Variants in TAF5L observed in about 807,000 individuals in gnomAD.
TAF5L encodes the protein TATA-box binding protein associated factor 5 like.
In TAF5L, 7 loss-of-function variants were observed where a neutral mutation model predicts 51.3. The ratio of observed to expected loss-of-function variants is 0.14; its 90% confidence interval spans 0.08 to 0.26. TAF5L has a LOEUF of 0.26. Ranked by LOEUF, TAF5L falls within the 10% of genes least tolerant of loss-of-function variation. The probability of loss-of-function intolerance (pLI) is 1.00; values close to 1 mark genes in which losing one functional copy is unlikely to be tolerated. For synonymous variants in TAF5L, 291 were observed against 308.1 expected, an observed-to-expected ratio of 0.94 and a Z score of 0.58; for missense variants, 575 against 758.9, an observed-to-expected ratio of 0.76 and a Z score of 2.85.
chr1:229,618,199 C>G (rs1665076105), intron 1 of TAF5L, among the ~76,000 whole-genome samples: 1 of 152,176 alleles, frequency 6.6e-6, no homozygotes, highest in African/African-American at 2.4e-5. Flanking sequence ...ACGAACAGTG[C>G]AGTTTCGTTA....
At chr1:229,624,025 G>C (rs568417182) in intron 1 of TAF5L, among the ~76,000 whole-genome samples, 1 of 152,232 alleles carries the variant, frequency 6.6e-6, no homozygotes, top group African/African-American at 2.4e-5. Context: ...GTGACTTCTA[G>C]TACTGTCCAC....
Position 229,594,616 on chromosome 1 carries a change from G to T in TAF5L, c.1451C>A (p.Ala484Glu). ...CAACCGCTGGTCCTCGCCAGCAGAC[G>T]CCAAGTACTTACCGTTGGGAGAAAA... is the stretch of plus-strand genomic sequence containing the variant. Residue 484 changes from alanine (A) to glutamate (E), a missense_variant, in exon 5 of 5, where the codon GCG becomes GAG. Physicochemically the swap from Ala to Glu is moderately radical, Grantham distance 107. This residue lies in a region of TAF5L where 104 missense variants were observed against 218.3 expected (regional missense o/e 0.48). Transcript: ENST00000258281. This position sits in a 1 kb window ranked among gnomAD's most constrained non-coding sequence, Gnocchi z 7.9. 6.2e-7 allele frequency: 1 copy of T among 1,614,182 alleles called. No individual in the cohort carries two copies. Among genetic ancestry groups the T allele is most frequent in the Non-Finnish European group, 8.5e-7 (1 of 1,180,032 alleles).
Position 229,594,830 on chromosome 1 carries a change from A to T in TAF5L, c.1237T>A (p.Phe413Ile). The T allele has an allele frequency of 6.2e-7, 1 of 1,614,212 alleles. No individual in the cohort carries two copies. Among genetic ancestry groups the T allele is most frequent in the Non-Finnish European group, 8.5e-7 (1 of 1,180,032 alleles). ...ATCCTCAGCGGGTACGTCCGATCAA[A>T]TGACCACAGCCTGGCGGTGCGGTCG... The change falls in exon 5 of 5, where the codon TTT becomes ATT. Residue 413 changes from phenylalanine (F) to isoleucine (I), a missense_variant. Physicochemically the swap from Phe to Ile is conservative, Grantham distance 21. Coordinates refer to ENST00000258281, the Ensembl canonical transcript of TAF5L. This position sits in a 1 kb window ranked among gnomAD's most constrained non-coding sequence, Gnocchi z 7.9.
chr1:229,599,891 AAGC>A (rs1328870811), intron 4 of TAF5L: 3 of 985,346 alleles, frequency 3.0e-6, no homozygotes, highest in African/African-American at 1.7e-5. Context: ...AAAAAGATGA[AAGC>A]AGAGAGTGCA....
At chr1:229,597,617 C>T (rs984273494) in intron 4 of TAF5L, among the ~76,000 whole-genome samples, 4 of 152,124 alleles carry the variant, frequency 2.6e-5, no homozygotes, top group African/African-American at 9.7e-5. Context: ...TCTCTCCTGC[C>T]GACAGGATAA....
At chr1:229,596,003 G>A (rs1488755823) in intron 4 of TAF5L, among the ~76,000 whole-genome samples, 2 of 152,196 alleles carry the variant, frequency 1.3e-5, no homozygotes, top group Non-Finnish European at 2.9e-5. Flanking sequence ...GTTCAGGCAT[G>A]GTGGCTCGCA....
chr1:229,613,329 C>CAAAAAAAAAAAAAAAAA (rs567436350), intron 2 of TAF5L, among the ~76,000 whole-genome samples: 1 of 84,596 alleles, frequency 1.2e-5, no homozygotes, highest in Non-Finnish European at 2.4e-5. Flanking sequence ...GACTCTGTCT[C>CAAAAAAAAAAAAAAAAA]AAAAAAAAAA....
chr1:229,602,524 A>G lies in TAF5L; in HGVS notation c.643T>C (p.Ser215Pro), dbSNP rs1664419310. The G allele has an allele frequency of 6.8e-6, 11 of 1,614,090 alleles. No homozygotes were observed. Among genetic ancestry groups the G allele is most frequent in the Non-Finnish European group, 9.3e-6 (11 of 1,179,982 alleles). The change falls in exon 4 of 5, where the codon TCC (serine) becomes CCC (proline). Residue 215 changes from serine (S) to proline (P), a missense_variant. Around this residue, in one of 3 missense-constraint regions of TAF5L, gnomAD observed 380 missense variants for 443.7 expected, o/e 0.86. Coordinates refer to ENST00000258281, the Ensembl canonical transcript of TAF5L. This position sits in a 1 kb window ranked among gnomAD's most constrained non-coding sequence, Gnocchi z 4.6. ...AAACCGTTGTTCTCACTGCGGGAGGAGCTGCCACTGGCATACAGCTGATAG... is the reference window on the plus strand; with the variant it reads ...AAACCGTTGTTCTCACTGCGGGAGGGGCTGCCACTGGCATACAGCTGATAG...
intron 1 of TAF5L, among the ~76,000 whole-genome samples, chr1:229,616,266 G>C (rs1237119187): frequency 6.6e-6 from 1 of 151,970 alleles, no homozygotes; most frequent in East Asian, 1.9e-4. Flanking sequence ...TGCCTGCCTT[G>C]GCCTCTCAAA....
intron 4 of TAF5L, chr1:229,601,269 T>G: frequency 1.0e-6 from 1 of 985,446 alleles, no homozygotes; most frequent in South Asian, 4.7e-5. Flanking sequence ...TATCATTAAC[T>G]GTAATTTAAT....
intron 4 of TAF5L, chr1:229,600,036 A>T: frequency 1.0e-6 from 1 of 983,346 alleles, no homozygotes; most frequent in Non-Finnish European, 1.2e-6. Flanking sequence ...CTGTATTAAG[A>T]GTCTCTATTT....
chr1:229,607,647 T>G (rs1664645282), intron 3 of TAF5L: 1 of 207,686 alleles, frequency 4.8e-6, no homozygotes, highest in South Asian at 1.7e-4. Context: ...CCTATATGAT[T>G]CAGCAATTGA....
At chr1:229,622,493 G>C (rs1665248492) in intron 1 of TAF5L, among the ~76,000 whole-genome samples, 1 of 152,148 alleles carries the variant, frequency 6.6e-6, no homozygotes, top group Non-Finnish European at 1.5e-5. Flanking sequence ...TAAGCTTTGA[G>C]ATTTGGAATA....
At chr1:229,603,431 T>C (rs1184991833) in intron 3 of TAF5L, among the ~76,000 whole-genome samples, 1 of 152,232 alleles carries the variant, frequency 6.6e-6, no homozygotes, top group Admixed American at 6.5e-5. Context: ...CAAGTGATTT[T>C]AGTGCTCTAG....
At chr1:229,597,525 T>C (rs1664170234) in intron 4 of TAF5L, among the ~76,000 whole-genome samples, 1 of 152,182 alleles carries the variant, frequency 6.6e-6, no homozygotes, top group Admixed American at 6.5e-5. Flanking sequence ...ACATTTTCTG[T>C]GTGGCTCAAC....
intron 2 of TAF5L, 92 bp downstream of exon 2, chr1:229,614,249 T>C (rs1465938150): frequency 6.2e-7 from 1 of 1,610,128 alleles, no homozygotes; most frequent in South Asian, 1.1e-5. Context: ...TCTCTGGCAC[T>C]GTCTTGAGAA....
chr1:229,593,971 C>A, exon 5 of TAF5L: 1 of 264,742 alleles, frequency 3.8e-6, no homozygotes, highest in Non-Finnish European at 7.3e-6. Flanking sequence ...CTAACCAAAC[C>A]TAGCCCCAGT....
intron 1 of TAF5L, among the ~76,000 whole-genome samples, chr1:229,622,776 TA>T (rs544575557): frequency 0.013 from 1,917 of 151,212 alleles, 38 homozygotes; most frequent in African/African-American, 0.044. Context: ...CCTGGTTAGT[TA>T]AAAAAAAAAT....
In TAF5L at chr1:229,602,251, G is replaced by A; in HGVS notation, c.916C>T (p.Pro306Ser). ...ATGCGGGACACGTCTACTTGGTGGG[G>A]CTCTGATTTTAACTTCTTGGATCGT... is the stretch of plus-strand genomic sequence containing the variant. The change falls in exon 4 of 5, where the codon CCC becomes TCC. Residue 306 changes from proline (P) to serine (S), a missense_variant. Pro to Ser is a moderately conservative substitution (Grantham distance 74, BLOSUM62 -1). Around this residue, in one of 3 missense-constraint regions of TAF5L, gnomAD observed 380 missense variants for 443.7 expected, o/e 0.86. Coordinates refer to ENST00000258281, the Ensembl canonical transcript of TAF5L. This position sits in a 1 kb window ranked among gnomAD's most constrained non-coding sequence, Gnocchi z 4.6. 3 of 1,614,192 alleles carry A rather than the reference G, an allele frequency of 1.9e-6. No individual in the cohort carries two copies. The highest frequency in any genetic ancestry group is 2.2e-5 in the East Asian group (1 of 44,892).
Sources: allele counts gnomAD v4.1 joint callset (sites outside exome capture counted in the v4.1 genomes callset), GRCh38; gene constraint gnomAD v4.1.1; regional missense constraint gnomAD v4.1.1; non-coding constraint Gnocchi (gnomAD v3.1); transcripts MANE v1.5; gene names NCBI Gene and HGNC (gene_info 2026-07-23, HGNC 2026-07-21).